Variants in DLGAP2 observed in about 807,000 individuals in gnomAD.
DLGAP2 encodes the protein DLG associated protein 2, also known as disks large-associated protein 2.
A neutral mutation model predicts 100.3 loss-of-function variants in DLGAP2; 26 were observed. The ratio of observed to expected loss-of-function variants is 0.26; its 90% CI spans 0.19 to 0.36. The LOEUF (loss-of-function observed/expected upper bound fraction) is 0.36, where lower values mean the gene tolerates loss of function less well. Among genes scored for constraint, DLGAP2 ranks in the 10% least tolerant of loss-of-function variants. The probability of loss-of-function intolerance (pLI) is 1.00; values close to 1 mark genes in which losing one functional copy is unlikely to be tolerated. For synonymous variants in DLGAP2, 886 were observed against 630.1 expected, an observed-to-expected ratio of 1.41 and a Z score of -6.08; for missense variants, 1,858 against 1,453.2, an observed-to-expected ratio of 1.28 and a Z score of -4.53.
At chr8:1,236,962 C>G (rs1440360807) in intron 2 of DLGAP2, among the ~76,000 whole-genome samples, 1 of 150,446 alleles carries the variant, frequency 6.6e-6, no homozygotes, top group African/African-American at 2.5e-5. Flanking sequence ...GTCTAGTTCT[C>G]TCACATGGTG....
rs1214965099 is a variant in DLGAP2 at position 909,464 on chromosome 8, CT to C, written c.73+1510del. 4.0e-3 allele frequency among the ~76,000 whole-genome samples: 577 copies of C among 143,100 alleles called. 3 individuals carry two copies. The highest frequency in any genetic ancestry group is 9.3e-3 in the African/African-American group (364 of 39,222). The allele number at this position is 143,100 out of a possible 152,430, so 93.9% of individuals were successfully genotyped here. A position where few individuals can be genotyped will look rare whatever the true frequency, so the allele number is the denominator to read the frequency against. On this transcript the variant is annotated intron_variant, in intron 2 of 14. Coordinates refer to ENST00000637795, the MANE Select transcript of DLGAP2 (RefSeq NM_001346810.2). Reference sequence around the variant, plus strand: ...AAGTATGGAAATGAATTTTCCTTGTCTTTTTTTTTTTTGACAGTTTGTTCTG... The same window carrying C: ...AAGTATGGAAATGAATTTTCCTTGTCTTTTTTTTTTTGACAGTTTGTTCTG...
chr8:1,603,472 G>A (rs547482366), intron 6 of DLGAP2, among the ~76,000 whole-genome samples: 33 of 151,788 alleles, frequency 2.2e-4, no homozygotes, highest in African/African-American at 7.2e-4. Context: ...CAGTTCTGTA[G>A]AGGCTGGTTA....
chr8:1,350,859 A>T (rs367821215), intron 3 of DLGAP2, among the ~76,000 whole-genome samples: 292 of 9,954 alleles, frequency 0.029, no homozygotes, highest in Admixed American at 0.051. Context: ...GGGTCCTGAC[A>T]GTGTGTGGAA....
chr8:1,548,711 A>G lies in DLGAP2; in HGVS notation c.258A>G (p.Gly86=). 1 of 1,607,346 alleles carries G rather than the reference A, an allele frequency of 6.2e-7. No individual in the cohort carries two copies. The highest frequency in any genetic ancestry group is 1.7e-4 in the Middle Eastern group (1 of 6,048). The change falls in exon 5 of 15, where the codon GGA becomes GGG. Residue 86 remains glycine (G), a synonymous_variant. Coordinates refer to ENST00000637795, the MANE Select transcript of DLGAP2 (RefSeq NM_001346810.2). ...PAPRSMKGLS[G]SRTQPPLCSG... The stretch of plus-strand genomic sequence containing the variant: ...CCAGGAGCATGAAGGGCCTTTCCGG[A>G]AGTCGGACCCAGCCGCCGCTGTGTT...
chr8:954,808 A>G, intron 2 of DLGAP2, among the ~76,000 whole-genome samples: 1 of 152,146 alleles, frequency 6.6e-6, no homozygotes, highest in East Asian at 1.9e-4. Flanking sequence ...CTTTGAGGGT[A>G]GGGCTGGTAT....
chr8:1,174,977 C>G (rs1401335938), intron 2 of DLGAP2, among the ~76,000 whole-genome samples: 1 of 152,056 alleles, frequency 6.6e-6, no homozygotes, highest in African/African-American at 2.4e-5. Flanking sequence ...TTCTAGTTCC[C>G]CCAAGAATGA....
At chr8:773,609 G>A (rs1406987418) in intron 1 of DLGAP2, among the ~76,000 whole-genome samples, 2 of 149,136 alleles carry the variant, frequency 1.3e-5, no homozygotes, top group Non-Finnish European at 3.0e-5. Context: ...TTGGTTTTTT[G>A]TTCTTGCGAT....
intron 2 of DLGAP2, among the ~76,000 whole-genome samples, chr8:1,007,474 C>G (rs1801152429): frequency 6.6e-6 from 1 of 152,248 alleles, no homozygotes. Context: ...AGTCAGCTGA[C>G]TTACATCCCA....
At chr8:772,615 A>C (rs1318728640) in intron 1 of DLGAP2, among the ~76,000 whole-genome samples, 1 of 152,210 alleles carries the variant, frequency 6.6e-6, no homozygotes, top group Non-Finnish European at 1.5e-5. Flanking sequence ...GAGCCACTGC[A>C]CACTGCCTTA....
At chr8:1,272,391 A>G (rs1413537506) in intron 3 of DLGAP2, among the ~76,000 whole-genome samples, 1 of 152,086 alleles carries the variant, frequency 6.6e-6, no homozygotes, top group Non-Finnish European at 1.5e-5. Context: ...AAGTTTTTAT[A>G]TATATAGATG....
In DLGAP2 at chr8:1,067,044, G is replaced by C. The variant is rs114025128; in HGVS notation, c.73+159078G>C. On this transcript the variant is annotated intron_variant, in intron 2 of 14. Coordinates refer to ENST00000637795, the MANE Select transcript of DLGAP2 (RefSeq NM_001346810.2). ...TGGTGTTTGGTTTGCTGCAGAGAGG[G>C]GTTGGTCTCCTTCCCTCCTTCAGGT... Among the ~76,000 whole-genome samples, 714 of 152,226 alleles carry C rather than the reference G, an allele frequency of 4.7e-3. 7 individuals carry two copies. The highest frequency in any genetic ancestry group is 0.016 in the African/African-American group (680 of 41,524).
Position 1,669,724 on chromosome 8 carries a change from G to A in DLGAP2, c.2161-19G>A. 1 of 780,900 alleles carries A rather than the reference G, an allele frequency of 1.3e-6. No individual in the cohort carries two copies. The highest frequency in any genetic ancestry group is 1.7e-5 in the African/African-American group (1 of 59,278). The allele number at this position is 780,900 out of a possible 1,614,324, so 48.4% of individuals were successfully genotyped here. A position where few individuals can be genotyped will look rare whatever the true frequency, so the allele number is the denominator to read the frequency against. ...CTCCGAACCAGGTCTCCACACTGTGGCTTCATTGTTTTGTTTAGGATTCTG... is the reference window on the plus strand; with the variant it reads ...CTCCGAACCAGGTCTCCACACTGTGACTTCATTGTTTTGTTTAGGATTCTG... On this transcript the variant is annotated intron_variant, in intron 9 of 14. Coordinates refer to ENST00000637795, the MANE Select transcript of DLGAP2 (RefSeq NM_001346810.2).
At chr8:1,262,028 C>T (rs1563049060) in intron 3 of DLGAP2, among the ~76,000 whole-genome samples, 2 of 152,180 alleles carry the variant, frequency 1.3e-5, no homozygotes, top group Non-Finnish European at 2.9e-5. Context: ...TAACAGCCTT[C>T]CCTGGCTAAG....
intron 2 of DLGAP2, among the ~76,000 whole-genome samples, chr8:1,141,987 T>G (rs2129050561): frequency 6.6e-6 from 1 of 152,220 alleles, no homozygotes; most frequent in East Asian, 1.9e-4. Flanking sequence ...ATTTTTTGTT[T>G]AAGAATGACT....
chr8:1,178,862 C>G (rs1329985856), intron 2 of DLGAP2, among the ~76,000 whole-genome samples: 6 of 152,198 alleles, frequency 3.9e-5, no homozygotes, highest in East Asian at 1.9e-4. Flanking sequence ...TGTGATTCAG[C>G]TGCAACTGCT....
At chr8:1,166,162 T>G (rs1029771631) in intron 2 of DLGAP2, among the ~76,000 whole-genome samples, 1 of 152,078 alleles carries the variant, frequency 6.6e-6, no homozygotes, top group Non-Finnish European at 1.5e-5. Context: ...CTCTTTGAGG[T>G]CTTGTTTGTC....
intron 13 of DLGAP2, among the ~76,000 whole-genome samples, chr8:1,695,934 G>T (rs1013053973): frequency 4.6e-5 from 7 of 152,304 alleles, no homozygotes; most frequent in African/African-American, 1.4e-4. Context: ...TCAAGTGCCT[G>T]GGGGGGCTTT....
chr8:1,320,037 G>A (rs969353063), intron 3 of DLGAP2, among the ~76,000 whole-genome samples: 3 of 152,214 alleles, frequency 2.0e-5, no homozygotes, highest in South Asian at 2.1e-4. Flanking sequence ...AAGGTGTTGC[G>A]GCCTCTGGGC....
chr8:1,465,550 G>A (rs1204645849), intron 3 of DLGAP2, among the ~76,000 whole-genome samples: 1 of 152,190 alleles, frequency 6.6e-6, no homozygotes, highest in Non-Finnish European at 1.5e-5. Context: ...AAGGGAAGGG[G>A]CATGGAGTTT....
Sources: allele counts gnomAD v4.1 joint callset (sites outside exome capture counted in the v4.1 genomes callset), GRCh38; gene constraint gnomAD v4.1.1; transcripts MANE v1.5; gene names NCBI Gene and HGNC (gene_info 2026-07-23, HGNC 2026-07-21).